Variants in RASGRP3 observed in about 807,000 individuals in gnomAD.
RASGRP3 encodes ras guanyl-releasing protein 3.
Under a neutral mutation model 82.7 loss-of-function variants are expected in RASGRP3, and 54 were observed. The ratio of observed to expected loss-of-function variants is 0.65; its 90% confidence interval spans 0.52 to 0.82. The LOEUF (loss-of-function observed/expected upper bound fraction) is 0.82. RASGRP3 is among the 40% of genes least tolerant of loss of function. The probability of loss-of-function intolerance (pLI) is 0.00; values close to 1 mark genes in which losing one functional copy is unlikely to be tolerated. For synonymous variants in RASGRP3, 309 were observed against 300.5 expected (o/e 1.03, Z -0.29); for missense variants, 861 against 828.9 (o/e 1.04, Z -0.48).
chr2:33,520,446 A>G (rs1671915524), intron 5 of RASGRP3, 107 bp from the exon 6 acceptor site: 5 of 1,395,612 alleles, frequency 3.6e-6, no homozygotes, highest in Non-Finnish European at 4.0e-6. Context: ...GTGGTCCTGG[A>G]TGGTCCTGGA....
At chr2:33,443,092 T>C (rs1188804011) in intron 1 of RASGRP3, among the ~76,000 whole-genome samples, 1 of 152,188 alleles carries the variant, frequency 6.6e-6, no homozygotes, top group African/African-American at 2.4e-5. Context: ...GTGACTTTTC[T>C]TGCCTCTGAA....
At chr2:33,484,643 A>C (rs776120182) in intron 1 of RASGRP3, among the ~76,000 whole-genome samples, 3 of 152,096 alleles carry the variant, frequency 2.0e-5, no homozygotes, top group Non-Finnish European at 4.4e-5. Context: ...AAATTAATCC[A>C]TCTCTTTCTA....
intron 1 of RASGRP3, among the ~76,000 whole-genome samples, chr2:33,477,439 G>T (rs17594309): frequency 0.098 from 14,884 of 152,168 alleles, 959 homozygotes; most frequent in Admixed American, 0.16. Flanking sequence ...TTCGGTTGCC[G>T]CTGGTCTTCC....
At chr2:33,555,101 G>A (rs1388444186) in intron 14 of RASGRP3, 1 of 156,180 alleles carries the variant, frequency 6.4e-6, no homozygotes, top group Non-Finnish European at 1.4e-5. Context: ...AAATAGCCTA[G>A]CAAAATCCAA....
rs1676849081 is a variant in RASGRP3, at chr2:33,562,944, TC to T, written c.*211del. ...TAACTATGAACTATTTATTTCCTCC[TC>T]CCCTACCCCTAGTTAAGTGCCACAA... is the stretch of plus-strand genomic sequence containing the variant. On this transcript the variant is annotated 3_prime_UTR_variant, in exon 18 of 18. Coordinates refer to ENST00000403687, the MANE Select transcript of RASGRP3 (RefSeq NM_001139488.2). 2.0e-5 allele frequency: 13 copies of T among 649,448 alleles called. No homozygotes were observed. The South Asian group carries it at 2.6e-4, about 13-fold the overall frequency. The allele number at this position is 649,448 out of a possible 1,614,324, so 40.2% of individuals were successfully genotyped here. A position where few individuals can be genotyped will look rare whatever the true frequency, so the allele number is the denominator to read the frequency against.
chr2:33,519,237 T>C (rs1215653430), intron 4 of RASGRP3, among the ~76,000 whole-genome samples: 7 of 152,218 alleles, frequency 4.6e-5, no homozygotes, highest in African/African-American at 1.7e-4. Flanking sequence ...CTGTCACATA[T>C]GCAGTCCTTC....
At chr2:33,465,330 C>G (rs1440078026) in intron 2 of RASGRP3, among the ~76,000 whole-genome samples, 2 of 152,104 alleles carry the variant, frequency 1.3e-5, no homozygotes, top group South Asian at 2.1e-4. Context: ...GGGGAGGAAG[C>G]CACAGATGAA....
At chr2:33,503,233 G>A (rs1670048041) in intron 1 of RASGRP3, among the ~76,000 whole-genome samples, 1 of 152,106 alleles carries the variant, frequency 6.6e-6, no homozygotes, top group Admixed American at 6.5e-5. Context: ...GTTCTGATAA[G>A]GAGGGCAGAG....
intron 9 of RASGRP3, 57 bp downstream of exon 9, chr2:33,524,605 G>A (rs1377661265): frequency 7.5e-7 from 1 of 1,333,248 alleles, no homozygotes; most frequent in African/African-American, 1.5e-5. Context: ...AATTGTTCAG[G>A]TTTAGTATAC....
At position 33,524,037 on chromosome 2, in the gene RASGRP3, T is replaced by G. The variant is rs767378534; in HGVS notation, c.675T>G (p.Phe225Leu). 6.2e-7 allele frequency: 1 copy of G among 1,613,950 alleles called. No homozygotes were observed. The highest frequency in any genetic ancestry group is 8.5e-7 in the Non-Finnish European group (1 of 1,179,842). Residue 225 changes from phenylalanine to leucine, a missense_variant, in exon 8 of 18, where the codon TTT (phenylalanine) becomes TTG (leucine). Phe to Leu is a conservative substitution (Grantham distance 22). Transcript: ENST00000403687. ...PQQRAEVITK[F>L]INVAKKLLQL... ...AAAGGGCAGAAGTCATCACAAAGTT[T>G]ATCAATGTTGCAAAGGTATGTCTGG...
chr2:33,477,671 T>A (rs1667499899), intron 1 of RASGRP3, among the ~76,000 whole-genome samples: 1 of 152,206 alleles, frequency 6.6e-6, no homozygotes, highest in African/African-American at 2.4e-5. Context: ...CGGTGACTTT[T>A]GTCCTTCCTT....
chr2:33,523,406 A>G (rs923310221), intron 7 of RASGRP3, among the ~76,000 whole-genome samples: 4 of 151,724 alleles, frequency 2.6e-5, no homozygotes, highest in Non-Finnish European at 5.9e-5. Context: ...CGGAGATTGC[A>G]GTGAGCCGAG....
At chr2:33,500,816 C>A (rs148874592) in intron 1 of RASGRP3, among the ~76,000 whole-genome samples, 21 of 152,216 alleles carry the variant, frequency 1.4e-4, no homozygotes, top group African/African-American at 4.8e-4. Context: ...CACCTGTAAT[C>A]CCAGCTACTC....
At chr2:33,488,113 T>C (rs1668549240) in intron 1 of RASGRP3, among the ~76,000 whole-genome samples, 1 of 152,226 alleles carries the variant, frequency 6.6e-6, no homozygotes, top group South Asian at 2.1e-4. Flanking sequence ...CTCGATTATT[T>C]ATGAAAGCAA....
upstream of RASGRP3, among the ~76,000 whole-genome samples, chr2:33,471,897 ATTT>A (rs56153758): frequency 1.1e-4 from 16 of 151,480 alleles, no homozygotes; most frequent in East Asian, 3.9e-4. Context: ...CCAATCAATG[ATTT>A]TTTTTTTTAA....
rs537137905 is a variant in RASGRP3, at chr2:33,563,548, G to C, written c.*811G>C. 13 of 152,170 alleles carry C rather than the reference G, an allele frequency of 8.5e-5. No homozygotes were observed. Among genetic ancestry groups the C allele is most frequent in the African/African-American group, 3.1e-4 (13 of 41,526 alleles). The allele number at this position is 152,170 out of a possible 1,614,324, so 9.4% of individuals were successfully genotyped here. A position where few individuals can be genotyped will look rare whatever the true frequency, so the allele number is the denominator to read the frequency against. ...TTAAGCCATCTTTCTTAAGATTCCTGAAGTAGAAATAGCAATTAAGAAATT... is the reference window on the plus strand; with the variant it reads ...TTAAGCCATCTTTCTTAAGATTCCTCAAGTAGAAATAGCAATTAAGAAATT... On this transcript the variant is annotated 3_prime_UTR_variant, in exon 18 of 18. Transcript: ENST00000403687.
At chr2:33,561,342 C>T (rs937174964) in intron 17 of RASGRP3, among the ~76,000 whole-genome samples, 3 of 152,206 alleles carry the variant, frequency 2.0e-5, no homozygotes, top group African/African-American at 4.8e-5. Context: ...GCTAGGATTA[C>T]AGACGTAAGC....
intron 13 of RASGRP3, 57 bp from the exon 14 acceptor site, chr2:33,549,547 A>G: frequency 6.6e-7 from 1 of 1,523,018 alleles, no homozygotes. Flanking sequence ...AAAGTGTGGC[A>G]ACTACTTAGC....
chr2:33,544,230 C>T lies in RASGRP3; in HGVS notation c.1394+603C>T, dbSNP rs538608390. Reference sequence around the variant, plus strand: ...TTGGGTGGCTGAGGCGGGAGAATTGCTTGAGCCTGGGAGGCAGAGGTTGCA... The same window carrying T: ...TTGGGTGGCTGAGGCGGGAGAATTGTTTGAGCCTGGGAGGCAGAGGTTGCA... On this transcript the variant is annotated intron_variant, in intron 13 of 17. Coordinates refer to ENST00000403687, the MANE Select transcript of RASGRP3 (RefSeq NM_001139488.2). 3.4e-3 allele frequency among the ~76,000 whole-genome samples: 510 copies of T among 152,132 alleles called. 2 individuals carry two copies. Among genetic ancestry groups the T allele is most frequent in the African/African-American group, 0.012 (489 of 41,504 alleles).
Sources: allele counts gnomAD v4.1 joint callset (sites outside exome capture counted in the v4.1 genomes callset), GRCh38; gene constraint gnomAD v4.1.1; transcripts MANE v1.5; gene names NCBI Gene and HGNC (gene_info 2026-07-23, HGNC 2026-07-21).